Variants in CLASRP observed in about 807,000 individuals in gnomAD.
CLASRP encodes CLK4-associating serine/arginine rich protein.
CLASRP carries 52 observed loss-of-function variants against 99.9 expected under a neutral mutation model. The ratio of observed to expected loss-of-function variants is 0.52; its 90% CI spans 0.42 to 0.66. The LOEUF (loss-of-function observed/expected upper bound fraction) is 0.66, where lower values mean the gene tolerates loss of function less well. Ranked by LOEUF, CLASRP falls within the 30% of genes least tolerant of loss-of-function variation. CLASRP has a pLI of 0.00. For missense variants in CLASRP, 848 were observed against 999.2 expected (o/e 0.85, Z 2.04); for synonymous variants, 379 against 373.0 (o/e 1.02, Z -0.18).
rs551018548 is a variant in CLASRP, at chr19:45,064,450, G to T, written c.1229G>T (p.Arg410Leu). 4 of 1,527,304 alleles carry T rather than the reference G, an allele frequency of 2.6e-6. No homozygotes were observed. The highest frequency in any genetic ancestry group is 2.0e-5 in the Admixed American group (1 of 50,766). 94.6% of individuals were successfully genotyped at this position (1,527,304 alleles called of 1,614,324 possible). The change falls in exon 13 of 21, where the codon CGT becomes CTT. Residue 410 changes from arginine (R) to leucine (L), a missense_variant. Around this residue, in one of 8 missense-constraint regions of CLASRP, gnomAD observed 489 missense variants for 434.7 expected, o/e 1.12. Transcript: ENST00000221455. ...TCTCGCCGTGGTGGGGGCTACTACC[G>T]TTCCGGCCGCCACGCCCGCTCCCGG... ...SRSRRGGGYY[R>L]SGRHARSRSR... is the part of the protein sequence containing the mutation.
chr19:45,065,933 G>T (rs1215875837), intron 13 of CLASRP, among the ~76,000 whole-genome samples: 1 of 152,140 alleles, frequency 6.6e-6, no homozygotes, highest in African/African-American at 2.4e-5. Context: ...AGCACTGATC[G>T]CCATGTCAGC....
intron 13 of CLASRP, 109 bp downstream of exon 13, chr19:45,064,739 C>T: frequency 2.1e-6 from 3 of 1,441,680 alleles, no homozygotes; most frequent in Non-Finnish European, 2.7e-6. Context: ...TCAGAGAACA[C>T]CCCATCTAAG....
chr19:45,065,026 C>G (rs1258112419), intron 13 of CLASRP, among the ~76,000 whole-genome samples: 4 of 151,728 alleles, frequency 2.6e-5, no homozygotes, highest in Non-Finnish European at 4.4e-5. Flanking sequence ...TGGGAAACCC[C>G]TTGCGGAGGG....
chr19:45,042,807 G>T (rs1367593406), intron 2 of CLASRP, among the ~76,000 whole-genome samples: 1 of 152,000 alleles, frequency 6.6e-6, no homozygotes, highest in Admixed American at 6.6e-5. Context: ...GGTAGAGACA[G>T]GGTTTCACCA....
At chr19:45,058,044 C>G (rs1211175361) in intron 7 of CLASRP, 146 bp downstream of exon 7, 2 of 948,748 alleles carry the variant, frequency 2.1e-6, no homozygotes, top group Non-Finnish European at 3.2e-6. Flanking sequence ...TCCTGCTGCC[C>G]CTGTCTCACT....
At chr19:45,051,610 C>T (rs753331232) in intron 2 of CLASRP, among the ~76,000 whole-genome samples, 7 of 152,132 alleles carry the variant, frequency 4.6e-5, no homozygotes, top group Non-Finnish European at 1.0e-4. Flanking sequence ...CTAGCCAATT[C>T]CCTTATTTCT....
rs371134228 is a variant in CLASRP at position 45,067,970 on chromosome 19, C to G, written c.1668-45C>G. 48 of 1,442,642 alleles carry G rather than the reference C, an allele frequency of 3.3e-5. No homozygotes were observed. The African/African-American group carries it at 5.2e-4, about 15-fold the overall frequency. The allele number at this position is 1,442,642 out of a possible 1,614,324, so 89.4% of individuals were successfully genotyped here. On this transcript the variant is annotated intron_variant, in intron 14 of 20. Coordinates refer to ENST00000221455, the MANE Select transcript of CLASRP (RefSeq NM_007056.3). This position sits in a 1 kb window ranked among gnomAD's most constrained non-coding sequence, Gnocchi z 4.9. ...GGCTGGGGTCAGAGGTGGCAGCTGC[C>G]CTTTCCCCCTCCCAACCATGTCCTC...
rs1284195242 is a variant in CLASRP, at chr19:45,068,495, G to C, written c.1768+15G>C. On this transcript the variant is annotated intron_variant, in intron 16 of 20. Coordinates refer to ENST00000221455, the MANE Select transcript of CLASRP (RefSeq NM_007056.3). Reference sequence around the variant, plus strand: ...GAACAGGCAGTGTATGTTCTGCCCTGTCCCTCCAGGGTTTCACAGCTCTTC... The same window carrying C: ...GAACAGGCAGTGTATGTTCTGCCCTCTCCCTCCAGGGTTTCACAGCTCTTC... 1 of 1,595,786 alleles carries C rather than the reference G, an allele frequency of 6.3e-7. No homozygotes were observed. Among genetic ancestry groups the C allele is most frequent in the South Asian group, 1.1e-5 (1 of 90,746 alleles).
chr19:45,043,195 TTGTG>T lies in CLASRP; in HGVS notation c.99+2922_99+2925del, dbSNP rs58669276. ...CCAAGCACTTCAGATAAGGAATACT[TTGTG>T]TGTGTGTGTGTGTGTGTGTGTGTGT... On this transcript the variant is annotated intron_variant, in intron 2 of 20. Coordinates refer to ENST00000221455, the MANE Select transcript of CLASRP (RefSeq NM_007056.3). 9.1e-3 allele frequency among the ~76,000 whole-genome samples: 1,223 copies of T among 134,712 alleles called. 11 individuals carry two copies. The highest frequency in any genetic ancestry group is 0.024 in the African/African-American group (862 of 36,154). 88.4% of individuals were successfully genotyped at this position (134,712 alleles called of 152,430 possible).
rs187465171 is a variant in CLASRP, at chr19:45,050,685, T to A, written c.100-1386T>A. On this transcript the variant is annotated intron_variant, in intron 2 of 20. Coordinates refer to ENST00000221455, the MANE Select transcript of CLASRP (RefSeq NM_007056.3). Reference sequence around the variant, plus strand: ...AGATCCTGATTTCTCTATATTCTTGTCACTACTTGTGTTTTGTTTTGTTTT... The same window carrying A: ...AGATCCTGATTTCTCTATATTCTTGACACTACTTGTGTTTTGTTTTGTTTT... 3.0e-4 allele frequency among the ~76,000 whole-genome samples: 45 copies of A among 152,206 alleles called. No homozygotes were observed. The East Asian group carries it at 7.4e-3, about 25-fold the overall frequency.
Position 45,067,344 on chromosome 19 carries a change from T to C in CLASRP, c.1417T>C (p.Ser473Pro). Residue 473 changes from serine (S) to proline (P), a missense_variant, in exon 14 of 21, where the codon TCC becomes CCC. Coordinates refer to ENST00000221455, the MANE Select transcript of CLASRP (RefSeq NM_007056.3). The surrounding 1 kb of genome is among the most constrained non-coding windows in gnomAD (Gnocchi z 4.9). ...YGPRRRSRSR[S>P]HSGDRYRRGG... Reference sequence around the variant, plus strand: ...GCCCTGCTGCATCCCCAGGAGCCGCTCCCACTCAGGGGACCGCTACAGGCG... The same window carrying C: ...GCCCTGCTGCATCCCCAGGAGCCGCCCCCACTCAGGGGACCGCTACAGGCG... 4 of 1,513,826 alleles carry C rather than the reference T, an allele frequency of 2.6e-6. No homozygotes were observed. Among genetic ancestry groups the C allele is most frequent in the Non-Finnish European group, 3.5e-6 (4 of 1,135,340 alleles). 93.8% of individuals were successfully genotyped at this position (1,513,826 alleles called of 1,614,324 possible).
rs1966925594 is a variant in CLASRP at position 45,060,944 on chromosome 19, C to A, written c.863+317C>A. On this transcript the variant is annotated intron_variant, in intron 10 of 20. Coordinates refer to ENST00000221455, the MANE Select transcript of CLASRP (RefSeq NM_007056.3). The surrounding 1 kb of genome is among the most constrained non-coding windows in gnomAD (Gnocchi z 4.6). ...CACAGGCTTTGCCCTGGACTCTCAC[C>A]CAGTTCTGCTGCTTGGCTTCTTCCT... 6.6e-6 allele frequency among the ~76,000 whole-genome samples: 1 copy of A among 152,190 alleles called. No homozygotes were observed. The highest frequency in any genetic ancestry group is 1.5e-5 in the Non-Finnish European group (1 of 68,038).
At chr19:45,056,618 C>A in intron 6 of CLASRP, 84 bp downstream of exon 6, 3 of 1,070,286 alleles carry the variant, frequency 2.8e-6, no homozygotes, top group Non-Finnish European at 4.3e-6. Context: ...CCATCCTGTC[C>A]ACCAGGGTCT....
At chr19:45,068,357 A>G in intron 15 of CLASRP, 63 bp from the exon 16 acceptor site, 1 of 510,444 alleles carries the variant, frequency 2.0e-6, no homozygotes, top group Non-Finnish European at 3.8e-6. Context: ...CTTTTGGCTG[A>G]GGTGGGTTGT....
chr19:45,052,744 A>T, intron 3 of CLASRP, 47 bp from the exon 4 acceptor site: 1 of 1,387,050 alleles, frequency 7.2e-7, no homozygotes, highest in Non-Finnish European at 1.0e-6. Flanking sequence ...TGTCCTGGGC[A>T]GTATGGACCC....
At position 45,067,428 on chromosome 19, in the gene CLASRP, A is replaced by G; in HGVS notation, c.1501A>G (p.Ser501Gly). 6.5e-7 allele frequency: 1 copy of G among 1,534,460 alleles called. No individual in the cohort carries two copies. ...CCGCAGCCGCAGCAGCTGGTCCCTCAGCCCGTCCCGCAGTCGCAGCCTGAC... is the reference window on the plus strand; with the variant it reads ...CCGCAGCCGCAGCAGCTGGTCCCTCGGCCCGTCCCGCAGTCGCAGCCTGAC... ...SSRSRSSWSL[S>G]PSRSRSLTRS... Residue 501 changes from serine to glycine, a missense_variant, in exon 14 of 21, where the codon AGC (serine) becomes GGC (glycine). Transcript: ENST00000221455. The surrounding 1 kb of genome is among the most constrained non-coding windows in gnomAD (Gnocchi z 4.9).
intron 18 of CLASRP, 117 bp downstream of exon 18, chr19:45,069,365 A>ATCCC (rs1173962102): frequency 8.7e-6 from 9 of 1,037,626 alleles, no homozygotes; most frequent in Non-Finnish European, 1.3e-5. Flanking sequence ...AAAGGCAGAG[A>ATCCC]TCCCTGCCTG....
chr19:45,045,490 C>T (rs1342539525), intron 2 of CLASRP, among the ~76,000 whole-genome samples: 2 of 152,056 alleles, frequency 1.3e-5, no homozygotes, highest in African/African-American at 2.4e-5. Context: ...GCACTCCAGC[C>T]TGAGTGGGAG....
At chr19:45,052,302 C>A in intron 3 of CLASRP, 134 bp downstream of exon 3, 1 of 702,948 alleles carries the variant, frequency 1.4e-6, no homozygotes, top group Non-Finnish European at 2.5e-6. Flanking sequence ...AAGGTGTGAC[C>A]CGCATATGAA....
Sources: allele counts gnomAD v4.1 joint callset (sites outside exome capture counted in the v4.1 genomes callset), GRCh38; gene constraint gnomAD v4.1.1; regional missense constraint gnomAD v4.1.1; non-coding constraint Gnocchi (gnomAD v3.1); transcripts MANE v1.5; gene names NCBI Gene and HGNC (gene_info 2026-07-23, HGNC 2026-07-21).